MAP2K5: variants seen among roughly 807,000 people sequenced by gnomAD.
The protein encoded by MAP2K5 is dual specificity mitogen-activated protein kinase kinase 5.
In MAP2K5, 49 loss-of-function variants were observed where a neutral mutation model predicts 83.1. That is an observed-to-expected ratio of 0.59 (90% CI 0.47 to 0.75). The LOEUF is 0.75. Among genes scored for constraint, MAP2K5 ranks in the 30% least tolerant of loss-of-function variants. The pLI is 0.00. For missense variants in MAP2K5, 457 were observed against 557.5 expected, an observed-to-expected ratio of 0.82 and a Z score of 1.82; for synonymous variants, 202 against 191.8, an observed-to-expected ratio of 1.05 and a Z score of -0.44.
intron 2 of MAP2K5, among the ~76,000 whole-genome samples, chr15:67,557,641 C>T (rs2084654914): frequency 6.6e-6 from 1 of 152,078 alleles, no homozygotes; most frequent in Admixed American, 6.5e-5. Flanking sequence ...ATAGTATGAC[C>T]ATTTAAAGCT....
chr15:67,542,998 G>C lies in MAP2K5; in HGVS notation c.-338G>C. 1 of 324,652 alleles carries C rather than the reference G, an allele frequency of 3.1e-6. No homozygotes were observed. Among genetic ancestry groups the C allele is most frequent in the Admixed American group, 4.3e-5 (1 of 23,154 alleles). The allele number at this position is 324,652 out of a possible 1,614,324, so 20.1% of individuals were successfully genotyped here. On this transcript the variant is annotated 5_prime_UTR_variant, in exon 1 of 22. Coordinates refer to ENST00000178640, the MANE Select transcript of MAP2K5 (RefSeq NM_145160.3). ...CTCCCCCAAACCGAGTCCTTGCCCTGCTGCCTCCTCATACCCACACGGCGG... is the reference window on the plus strand; with the variant it reads ...CTCCCCCAAACCGAGTCCTTGCCCTCCTGCCTCCTCATACCCACACGGCGG...
chr15:67,606,030 G>A (rs1400796652), intron 8 of MAP2K5, among the ~76,000 whole-genome samples: 1 of 152,156 alleles, frequency 6.6e-6, no homozygotes, highest in Non-Finnish European at 1.5e-5. Flanking sequence ...TTCTTGGGTA[G>A]TATGTCATAT....
At position 67,807,071 on chromosome 15, in the gene MAP2K5, G is replaced by A. The variant is rs1031550371; in HGVS notation, c.*321G>A. 24 of 825,924 alleles carry A rather than the reference G, an allele frequency of 2.9e-5. No homozygotes were observed. Among genetic ancestry groups the A allele is most frequent in the African/African-American group, 1.9e-4 (11 of 57,264 alleles). The allele number at this position is 825,924 out of a possible 1,614,324, so 51.2% of individuals were successfully genotyped here. A position where few individuals can be genotyped will look rare whatever the true frequency, so the allele number is the denominator to read the frequency against. ...TTTTTCTCTATAAAGGGTCAGGCCC[G>A]TCAGCATCACTGATGGGAATAAAAG... On this transcript the variant is annotated 3_prime_UTR_variant, in exon 22 of 22. Transcript: ENST00000178640. This position sits in a 1 kb window ranked among gnomAD's most constrained non-coding sequence, Gnocchi z 5.1.
In MAP2K5 at chr15:67,747,295, G is replaced by A. The variant is rs867472155; in HGVS notation, c.1075-936G>A. The stretch of plus-strand genomic sequence containing the variant: ...ATTACTAGTTTCCCTGTATTTTACC[G>A]GCTGGTTGGAGCCCAGTTATCTCAG... On this transcript the variant is annotated intron_variant, in intron 17 of 21. Transcript: ENST00000178640. This position sits in a 1 kb window ranked among gnomAD's most constrained non-coding sequence, Gnocchi z 4.1. Among the ~76,000 whole-genome samples the A allele has an allele frequency of 6.6e-5, 10 of 152,120 alleles. No homozygotes were observed. Among genetic ancestry groups the A allele is most frequent in the African/African-American group, 1.4e-4 (6 of 41,400 alleles).
chr15:67,596,099 T>G (rs183361506), intron 7 of MAP2K5, among the ~76,000 whole-genome samples: 2 of 152,332 alleles, frequency 1.3e-5, no homozygotes, highest in Admixed American at 1.3e-4. Flanking sequence ...GCTGCATCTT[T>G]TGGCTGTTAT....
chr15:67,701,962 C>T (rs2088431126), intron 15 of MAP2K5, among the ~76,000 whole-genome samples: 1 of 152,162 alleles, frequency 6.6e-6, no homozygotes. Context: ...AATGCTAACC[C>T]ATAGCTCTAG....
intron 5 of MAP2K5, 65 bp downstream of exon 5, chr15:67,585,995 G>T: frequency 7.0e-7 from 1 of 1,426,064 alleles, no homozygotes; most frequent in South Asian, 1.2e-5. Context: ...TCCACTTATT[G>T]AAATGTCAAA....
intron 2 of MAP2K5, among the ~76,000 whole-genome samples, chr15:67,554,207 A>C (rs1434916592): frequency 6.6e-6 from 1 of 152,038 alleles, no homozygotes; most frequent in African/African-American, 2.4e-5. Context: ...CTACAGGTGC[A>C]TGCCACTACA....
chr15:67,619,616 T>A (rs2086134424), intron 8 of MAP2K5, among the ~76,000 whole-genome samples: 1 of 152,188 alleles, frequency 6.6e-6, no homozygotes, highest in Non-Finnish European at 1.5e-5. Context: ...ATTTACAGCA[T>A]AGTTAGGTAA....
chr15:67,706,855 T>C (rs1487595612), intron 16 of MAP2K5, among the ~76,000 whole-genome samples: 1 of 152,192 alleles, frequency 6.6e-6, no homozygotes, highest in East Asian at 1.9e-4. Context: ...TAGGAGGTTA[T>C]GAGTCCATAC....
At chr15:67,718,669 C>G (rs1023232910) in intron 16 of MAP2K5, among the ~76,000 whole-genome samples, 5 of 152,118 alleles carry the variant, frequency 3.3e-5, no homozygotes, top group Admixed American at 2.6e-4. Context: ...GAGGCTGAGG[C>G]AGGAGAATCG....
At chr15:67,584,761 C>T (rs2141000263) in intron 4 of MAP2K5, among the ~76,000 whole-genome samples, 1 of 147,422 alleles carries the variant, frequency 6.8e-6, no homozygotes, top group African/African-American at 2.5e-5. Context: ...TCACTGCAAG[C>T]TCTGCCTCCT....
chr15:67,551,890 A>G (rs2084517645), intron 2 of MAP2K5, among the ~76,000 whole-genome samples: 1 of 147,204 alleles, frequency 6.8e-6, no homozygotes, highest in African/African-American at 2.6e-5. Context: ...GTACGGAAAG[A>G]TATCTGTGAA....
intron 19 of MAP2K5, among the ~76,000 whole-genome samples, chr15:67,751,075 G>A (rs1469359119): frequency 6.6e-6 from 1 of 152,062 alleles, no homozygotes; most frequent in Non-Finnish European, 1.5e-5. Context: ...CCACTAAGGT[G>A]GGCAAGAGCC....
intron 15 of MAP2K5, among the ~76,000 whole-genome samples, chr15:67,694,428 C>T (rs2088194238): frequency 6.6e-6 from 1 of 151,972 alleles, no homozygotes; most frequent in African/African-American, 2.4e-5. Flanking sequence ...ATGGATAAAA[C>T]CGTGGGTCTT....
rs374165114 is a variant in MAP2K5, at chr15:67,563,360, C to T, written c.252+10C>T. Reference sequence around the variant, plus strand: ...GGCAATGCTGTCATATGTAAGTATACGACAAATGAAGACTATTTTTTAAAA... The same window carrying T: ...GGCAATGCTGTCATATGTAAGTATATGACAAATGAAGACTATTTTTTAAAA... On this transcript the variant is annotated intron_variant, in intron 3 of 21. Coordinates refer to ENST00000178640, the MANE Select transcript of MAP2K5 (RefSeq NM_145160.3). The surrounding 1 kb of genome is among the most constrained non-coding windows in gnomAD (Gnocchi z 4.5). 3.7e-5 allele frequency: 60 copies of T among 1,602,134 alleles called. No individual in the cohort carries two copies. Among genetic ancestry groups the T allele is most frequent in the East Asian group, 1.6e-4 (7 of 44,518 alleles).
intron 2 of MAP2K5, among the ~76,000 whole-genome samples, chr15:67,558,691 C>T (rs945358900): frequency 2.6e-5 from 4 of 152,194 alleles, no homozygotes. Flanking sequence ...GCCACTCTGG[C>T]TTCCTTTCGG....
intron 21 of MAP2K5, among the ~76,000 whole-genome samples, chr15:67,795,493 T>G (rs2090589523): frequency 6.6e-6 from 1 of 152,240 alleles, no homozygotes; most frequent in African/African-American, 2.4e-5. Flanking sequence ...CCAAATTATT[T>G]AGAAGTATTT....
chr15:67,673,263 A>G (rs72749397), intron 13 of MAP2K5, among the ~76,000 whole-genome samples: 21,257 of 152,016 alleles, frequency 0.14, 1,584 homozygotes, highest in East Asian at 0.22. Flanking sequence ...AAAAAAATGC[A>G]CAAGACAGTC....
Sources: allele counts gnomAD v4.1 joint callset (sites outside exome capture counted in the v4.1 genomes callset), GRCh38; gene constraint gnomAD v4.1.1; non-coding constraint Gnocchi (gnomAD v3.1); transcripts MANE v1.5; gene names NCBI Gene and HGNC (gene_info 2026-07-23, HGNC 2026-07-21).